FLAD1: variants seen among roughly 807,000 people sequenced by gnomAD.
FLAD1 encodes flavin adenine dinucleotide synthetase 1, also known as bifunctional FAD diphosphatase/FAD synthase.
In FLAD1, 35 loss-of-function variants were observed where a neutral mutation model predicts 55.0. The observed-to-expected ratio is 0.64, with a 90% CI of 0.49 to 0.84. The LOEUF is 0.84. Among genes scored for constraint, FLAD1 ranks in the 40% least tolerant of loss-of-function variants. FLAD1 has a pLI of 0.00. For missense variants in FLAD1, 665 were observed against 742.6 expected (o/e 0.90, Z 1.21); for synonymous variants, 267 against 303.0 (o/e 0.88, Z 1.23).
Position 154,993,066 on chromosome 1 carries a change from A to C in FLAD1, c.*29A>C. 6.2e-7 allele frequency: 1 copy of C among 1,601,370 alleles called. No homozygotes were observed. The highest frequency in any genetic ancestry group is 8.6e-7 in the Non-Finnish European group (1 of 1,168,898). On this transcript the variant is annotated 3_prime_UTR_variant, in exon 7 of 7. Transcript: ENST00000292180. ...CCCACCCTAGGAGGGAGGGAAGGAC[A>C]CCGTCCTAGGGTATAACCTGGCAAT...
intron 1 of FLAD1, among the ~76,000 whole-genome samples, chr1:154,985,716 ATTTTTTTTT>A (rs34387427): frequency 1.3e-5 from 1 of 75,492 alleles, no homozygotes; most frequent in Non-Finnish European, 2.6e-5. Flanking sequence ...CCTGACCCCA[ATTTTTTTTT>A]TTTTTTTTTT....
Position 154,988,599 on chromosome 1 carries a change from T to A in FLAD1, c.867T>A (p.Asp289Glu). The A allele has an allele frequency of 6.2e-7, 1 of 1,614,200 alleles. No individual in the cohort carries two copies. Among genetic ancestry groups the A allele is most frequent in the Non-Finnish European group, 8.5e-7 (1 of 1,180,036 alleles). ...FHSKELYVAADEASIAPILAE... is the reference protein window; with the variant it reads ...FHSKELYVAAEEASIAPILAE... ...CAAAGGAGCTATATGTGGCTGCTGA[T>A]GAAGCCTCCATCGCCCCCATTCTGG... The change falls in exon 2 of 7, where the codon GAT (aspartate) becomes GAA (glutamate). Residue 289 changes from aspartate (D) to glutamate (E), a missense_variant. By Grantham distance (45) the Asp-to-Glu change is conservative. Transcript: ENST00000292180.
Position 154,988,840 on chromosome 1 carries a change from G to A in FLAD1, c.1108G>A (p.Ala370Thr), listed in dbSNP as rs757195700. 16 of 1,614,054 alleles carry A rather than the reference G, an allele frequency of 9.9e-6. No individual in the cohort carries two copies. The East Asian group carries it at 1.8e-4, about 18-fold the overall frequency. Reference sequence around the variant, plus strand: ...GGCCAGTGAGGCTGTATACAAACTCGCTGAATCAGGTAGGGACCTTATGGA... The same window carrying A: ...GGCCAGTGAGGCTGTATACAAACTCACTGAATCAGGTAGGGACCTTATGGA... ...EQASEAVYKL[A>T]ESGSSLGKKV... Residue 370 changes from alanine (A) to threonine (T), a missense_variant, in exon 2 of 7, where the codon GCT becomes ACT. Coordinates refer to ENST00000292180, the MANE Select transcript of FLAD1 (RefSeq NM_025207.5).
intron 1 of FLAD1, among the ~76,000 whole-genome samples, chr1:154,987,250 A>G (rs1472240273): frequency 1.3e-5 from 2 of 151,788 alleles, no homozygotes; most frequent in Non-Finnish European, 2.9e-5. Context: ...GTTGGTCTCG[A>G]ACTTCTGAGC....
At position 154,990,545 on chromosome 1, in the gene FLAD1, T is replaced by A; in HGVS notation, c.1554+17T>A. On this transcript the variant is annotated intron_variant, in intron 5 of 6. Transcript: ENST00000292180. Reference sequence around the variant, plus strand: ...CCACTGCTGGTAATGGGGAAGAGGGTTTATCACCTTCAGTCTCACGTGCCC... The same window carrying A: ...CCACTGCTGGTAATGGGGAAGAGGGATTATCACCTTCAGTCTCACGTGCCC... 6.3e-7 allele frequency: 1 copy of A among 1,575,874 alleles called. No individual in the cohort carries two copies. Among genetic ancestry groups the A allele is most frequent in the Non-Finnish European group, 8.6e-7 (1 of 1,157,306 alleles).
chr1:154,983,910 C>T lies in FLAD1; in HGVS notation c.216C>T (p.Pro72=), dbSNP rs750944765. 4 of 1,611,754 alleles carry T rather than the reference C, an allele frequency of 2.5e-6. No individual in the cohort carries two copies. In the African/African-American group the frequency reaches 5.3e-5, roughly 22 times the overall value. Residue 72 remains proline (P), a synonymous_variant, in exon 1 of 7, where the codon CCC becomes CCT. Transcript: ENST00000292180. ...GPQCPVDLAG[P]PCLRPLFGGL... The stretch of plus-strand genomic sequence containing the variant: ...AGTGCCCTGTAGACCTGGCAGGCCC[C>T]CCGTGCTTGCGACCCCTATTTGGGG...
At chr1:154,992,453 T>A in intron 5 of FLAD1, 1 of 955,426 alleles carries the variant, frequency 1.0e-6, no homozygotes, top group Non-Finnish European at 1.6e-6. Flanking sequence ...AAAAAAAAAA[T>A]AGACGGTTTC....
At position 154,993,039 on chromosome 1, in the gene FLAD1, C is replaced by T. The variant is rs774530938; in HGVS notation, c.*2C>T. On this transcript the variant is annotated 3_prime_UTR_variant, in exon 7 of 7. Coordinates refer to ENST00000292180, the MANE Select transcript of FLAD1 (RefSeq NM_025207.5). ...GAGGAGCGGAACTCCCGCACATGAC[C>T]TCCCACCCTAGGAGGGAGGGAAGGA... 1 of 1,613,836 alleles carries T rather than the reference C, an allele frequency of 6.2e-7. No homozygotes were observed. Among genetic ancestry groups the T allele is most frequent in the Non-Finnish European group, 8.5e-7 (1 of 1,179,834 alleles).
At chr1:154,986,470 A>G (rs1338365805) in intron 1 of FLAD1, among the ~76,000 whole-genome samples, 1 of 152,210 alleles carries the variant, frequency 6.6e-6, no homozygotes, top group Non-Finnish European at 1.5e-5. Flanking sequence ...AGAGTCTGGT[A>G]GTGTCCTATA....
intron 5 of FLAD1, chr1:154,991,293 ACCTGTAATC>A (rs1383634327): frequency 7.0e-6 from 1 of 143,354 alleles, no homozygotes; most frequent in Non-Finnish European, 1.5e-5. Flanking sequence ...AGTGGCTTAC[ACCTGTAATC>A]CCTGCACTTT....
intron 1 of FLAD1, among the ~76,000 whole-genome samples, chr1:154,986,704 C>CTTTT (rs776649473): frequency 2.7e-3 from 247 of 91,718 alleles, no homozygotes; most frequent in Middle Eastern, 0.013. Context: ...GCCCCCCACC[C>CTTTT]TTTTTTTTTT....
chr1:154,986,913 T>C (rs746344185), intron 1 of FLAD1, among the ~76,000 whole-genome samples: 1 of 151,804 alleles, frequency 6.6e-6, no homozygotes, highest in Non-Finnish European at 1.5e-5. Flanking sequence ...AAAATCCCAA[T>C]TGATGAAACT....
chr1:154,990,972 G>A (rs1657830304), intron 5 of FLAD1: 1 of 152,080 alleles, frequency 6.6e-6, no homozygotes, highest in Non-Finnish European at 1.5e-5. Flanking sequence ...AGCACTTTGG[G>A]AGGCCATGGT....
At chr1:154,989,518 A>G (rs370458690) in intron 2 of FLAD1, 42 bp from the exon 3 acceptor site, 13 of 1,501,492 alleles carry the variant, frequency 8.7e-6, no homozygotes, top group African/African-American at 2.8e-5. Flanking sequence ...TTTGATAGCC[A>G]TATGTGTCCA....
Position 154,993,099 on chromosome 1 carries a change from G to T in FLAD1, c.*62G>T. 2.0e-6 allele frequency: 3 copies of T among 1,499,878 alleles called. No individual in the cohort carries two copies. Among genetic ancestry groups the T allele is most frequent in the Non-Finnish European group, 2.8e-6 (3 of 1,080,274 alleles). 92.9% of individuals were successfully genotyped at this position (1,499,878 alleles called of 1,614,324 possible). On this transcript the variant is annotated 3_prime_UTR_variant, in exon 7 of 7. Transcript: ENST00000292180. ...AGGGTATAACCTGGCAATAAACCGT[G>T]CCTCTCACTGTGCCTGTTGCTCTAG... is the stretch of plus-strand genomic sequence containing the variant.
Position 154,984,057 on chromosome 1 carries a change from G to T in FLAD1, c.363G>T (p.Glu121Asp), listed in dbSNP as rs767806305. 101 of 1,509,342 alleles carry T rather than the reference G, an allele frequency of 6.7e-5. No individual in the cohort carries two copies. The highest frequency in any genetic ancestry group is 1.8e-4 in the Middle Eastern group (1 of 5,508). 93.5% of individuals were successfully genotyped at this position (1,509,342 alleles called of 1,614,324 possible). A position where few individuals can be genotyped will look rare whatever the true frequency, so the allele number is the denominator to read the frequency against. ...VTAGIIIVGD[E>D]ILKGHTQDTN... ...CTGGCATCATCATTGTTGGAGATGA[G>T]ATCCTTAAGGTGTGTCTGGGACAGA... The change falls in exon 1 of 7, where the codon GAG becomes GAT. Residue 121 changes from glutamate to aspartate, a missense_variant. Coordinates refer to ENST00000292180, the MANE Select transcript of FLAD1 (RefSeq NM_025207.5).
At chr1:154,990,757 G>T (rs1171553003) in intron 5 of FLAD1, 2 of 428,892 alleles carry the variant, frequency 4.7e-6, no homozygotes, top group Non-Finnish European at 4.1e-6. Context: ...TAGTGACTTA[G>T]ACTTGTGCTG....
At chr1:154,991,988 C>CA (rs1255017015) in intron 5 of FLAD1, among the ~76,000 whole-genome samples, 1 of 151,190 alleles carries the variant, frequency 6.6e-6, no homozygotes, top group Non-Finnish European at 1.5e-5. Flanking sequence ...TAAAAAAATA[C>CA]AAAAATTAGC....
At chr1:154,985,453 C>A (rs1281006805) in intron 1 of FLAD1, among the ~76,000 whole-genome samples, 1 of 150,920 alleles carries the variant, frequency 6.6e-6, no homozygotes, top group Non-Finnish European at 1.5e-5. Context: ...GGTTGGAGTG[C>A]AGTGGCGTGA....
Sources: allele counts gnomAD v4.1 joint callset (sites outside exome capture counted in the v4.1 genomes callset), GRCh38; gene constraint gnomAD v4.1.1; transcripts MANE v1.5; gene names NCBI Gene and HGNC (gene_info 2026-07-23, HGNC 2026-07-21).